The following GRK4 variants were observed in gnomAD, a reference collection of about 807,000 sequenced individuals.
GRK4 encodes the protein G protein-coupled receptor kinase 2-like.
GRK4 carries 73 observed loss-of-function variants against 77.9 expected under a neutral mutation model. The observed-to-expected ratio is 0.94, with a 90% CI of 0.78 to 1.14. The LOEUF (loss-of-function observed/expected upper bound fraction) is 1.14. Among genes scored for constraint, GRK4 ranks in the 50% most tolerant of loss-of-function variants. The pLI, the probability that GRK4 is intolerant of heterozygous loss-of-function variation, is 0.00. For synonymous variants in GRK4, 257 were observed against 254.4 expected (o/e 1.01, Z -0.10); for missense variants, 729 against 700.2 (o/e 1.04, Z -0.46).
In GRK4 at chr4:3,001,089, A is replaced by ATATATATATATATGTG; in HGVS notation, c.340-3141_340-3140insATATATATATATGTGT. On this transcript the variant is annotated intron_variant, in intron 4 of 15. Transcript: ENST00000398052. ...TAAATGAGACTATATATATATATAT[A>ATATATATATATATGTG]TGTGTGTGTGTGTGTGTATATATAT... Among the ~76,000 whole-genome samples the ATATATATATATATGTG allele has an allele frequency of 1.9e-4, 16 of 82,428 alleles. 1 individual carries two copies. The highest frequency in any genetic ancestry group is 8.5e-4 in the Admixed American group (8 of 9,370). The allele number at this position is 82,428 out of a possible 152,430, so 54.1% of individuals were successfully genotyped here.
At chr4:3,024,346 T>C (rs1226839649) in intron 10 of GRK4, among the ~76,000 whole-genome samples, 6 of 152,186 alleles carry the variant, frequency 3.9e-5, no homozygotes, top group African/African-American at 1.4e-4. Flanking sequence ...AATTACAACC[T>C]GAAACTCCTG....
At chr4:2,970,760 C>G (rs548708968) in intron 1 of GRK4, among the ~76,000 whole-genome samples, 1 of 151,788 alleles carries the variant, frequency 6.6e-6, no homozygotes, top group African/African-American at 2.4e-5. Context: ...AGCTCTGCCT[C>G]CCAGGTTCAC....
At chr4:3,040,476 C>A in intron 15 of GRK4, 96 bp from the exon 16 acceptor site, 1 of 842,216 alleles carries the variant, frequency 1.2e-6, no homozygotes, top group South Asian at 1.8e-5. Flanking sequence ...TAAAAAAGCA[C>A]CCCCCACCCA....
At chr4:2,984,097 C>G (rs893440648) in intron 1 of GRK4, among the ~76,000 whole-genome samples, 1 of 152,146 alleles carries the variant, frequency 6.6e-6, no homozygotes, top group Non-Finnish European at 1.5e-5. Context: ...CAGAGCCAAA[C>G]CATATCACTC....
At chr4:3,001,227 ATGTG>A (rs879302422) in intron 4 of GRK4, among the ~76,000 whole-genome samples, 2,277 of 138,418 alleles carry the variant, frequency 0.016, 21 homozygotes, top group Non-Finnish European at 0.018. Context: ...ATATGTATAT[ATGTG>A]TATGTGTATA....
intron 4 of GRK4, among the ~76,000 whole-genome samples, chr4:3,001,843 G>T (rs1431223699): frequency 6.6e-6 from 1 of 152,156 alleles, no homozygotes; most frequent in East Asian, 1.9e-4. Flanking sequence ...TCCTCTGGTC[G>T]CTTGGCCCTA....
At chr4:3,020,043 G>A (rs2109978997) in intron 9 of GRK4, among the ~76,000 whole-genome samples, 1 of 152,192 alleles carries the variant, frequency 6.6e-6, no homozygotes, top group Non-Finnish European at 1.5e-5. Flanking sequence ...GTTTGAGATG[G>A]AGTCTCACTC....
intron 1 of GRK4, among the ~76,000 whole-genome samples, chr4:2,982,611 G>A (rs1578033019): frequency 6.6e-6 from 1 of 152,190 alleles, no homozygotes; most frequent in Non-Finnish European, 1.5e-5. Flanking sequence ...ACTGCATCAG[G>A]CAAGTGACAG....
At chr4:2,965,389 G>T (rs1219013416) in intron 1 of GRK4, 1 of 703,064 alleles carries the variant, frequency 1.4e-6, no homozygotes, top group Admixed American at 2.0e-5. Flanking sequence ...CGGACCTCAA[G>T]TCCCTGTGCT....
At chr4:3,009,571 C>T in intron 6 of GRK4, 77 bp from the exon 7 acceptor site, 11 of 1,087,166 alleles carry the variant, frequency 1.0e-5, no homozygotes, top group Non-Finnish European at 1.6e-5. Flanking sequence ...GAGGCGAAGA[C>T]AAGCGCTGAG....
At chr4:3,023,889 G>A (rs938474738) in intron 10 of GRK4, among the ~76,000 whole-genome samples, 1 of 152,234 alleles carries the variant, frequency 6.6e-6, no homozygotes, top group South Asian at 2.1e-4. Context: ...GCAGGGAATT[G>A]TGTGTAGTGT....
At chr4:2,966,268 C>G (rs551633233) in intron 1 of GRK4, 1 of 152,092 alleles carries the variant, frequency 6.6e-6, no homozygotes, top group African/African-American at 2.4e-5. Flanking sequence ...AAAAATTAGC[C>G]GGGCGTGGTG....
At chr4:3,032,847 G>T (rs1044000740) in intron 12 of GRK4, among the ~76,000 whole-genome samples, 2 of 152,176 alleles carry the variant, frequency 1.3e-5, no homozygotes, top group Non-Finnish European at 2.9e-5. Context: ...ATGGGTTAAC[G>T]ACGTCACACA....
At chr4:2,977,280 G>A (rs1041461788) in intron 1 of GRK4, among the ~76,000 whole-genome samples, 3 of 152,144 alleles carry the variant, frequency 2.0e-5, no homozygotes, top group Non-Finnish European at 4.4e-5. Flanking sequence ...TGTTTGACCT[G>A]TTTGCTAGAG....
At chr4:2,984,741 C>A in intron 2 of GRK4, 133 bp downstream of exon 2, 1 of 423,994 alleles carries the variant, frequency 2.4e-6, no homozygotes, top group Non-Finnish European at 4.2e-6. Flanking sequence ...CTTCATGATT[C>A]CTCTCAGGAA....
chr4:3,024,498 C>T (rs538349832), intron 10 of GRK4, among the ~76,000 whole-genome samples: 4 of 152,220 alleles, frequency 2.6e-5, no homozygotes, highest in South Asian at 2.1e-4. Flanking sequence ...AGGGCTGTAG[C>T]GATCCGCCTT....
At chr4:2,996,280 C>T (rs752331693) in intron 4 of GRK4, among the ~76,000 whole-genome samples, 1 of 152,024 alleles carries the variant, frequency 6.6e-6, no homozygotes, top group Non-Finnish European at 1.5e-5. Context: ...TTAGGCCGGG[C>T]GCGGTGGCTC....
intron 5 of GRK4, 76 bp downstream of exon 5, chr4:3,004,410 C>T: frequency 2.2e-6 from 2 of 919,492 alleles, no homozygotes; most frequent in South Asian, 1.5e-5. Context: ...GGAGGTTTCT[C>T]TGCATAAGAC....
At chr4:3,030,646 G>GAA (rs1738893886) in intron 12 of GRK4, among the ~76,000 whole-genome samples, 1 of 151,996 alleles carries the variant, frequency 6.6e-6, no homozygotes, top group South Asian at 2.1e-4. Context: ...GGCTCTAGGG[G>GAA]GTGAGAGGGG....
Sources: allele counts gnomAD v4.1 joint callset (sites outside exome capture counted in the v4.1 genomes callset), GRCh38; gene constraint gnomAD v4.1.1; transcripts MANE v1.5; gene names NCBI Gene and HGNC (gene_info 2026-07-23, HGNC 2026-07-21).